The following PPFIBP2 variants were observed in gnomAD, a reference collection of about 807,000 sequenced individuals.
PPFIBP2 encodes the protein PPFIB scaffold protein 2.
PPFIBP2 carries 118 observed loss-of-function variants against 118.3 expected under a neutral mutation model. The ratio of observed to expected loss-of-function variants is 1.00; its 90% CI spans 0.86 to 1.16. PPFIBP2 has a LOEUF of 1.16. PPFIBP2 is among the 50% of genes most tolerant of loss of function. PPFIBP2 has a pLI of 0.00. For synonymous variants in PPFIBP2, 414 were observed against 397.4 expected, an observed-to-expected ratio of 1.04 and a Z score of -0.50; for missense variants, 1,195 against 1,073.1, an observed-to-expected ratio of 1.11 and a Z score of -1.59.
chr11:7,530,620 T>A (rs1850603940), intron 1 of PPFIBP2, among the ~76,000 whole-genome samples: 1 of 152,230 alleles, frequency 6.6e-6, no homozygotes. Context: ...GGTGCCTTGA[T>A]CCTGGGCTTC....
At chr11:7,580,586 G>A (rs896808217) in intron 3 of PPFIBP2, among the ~76,000 whole-genome samples, 1 of 152,168 alleles carries the variant, frequency 6.6e-6, no homozygotes, top group African/African-American at 2.4e-5. Context: ...TCCAGGGCCT[G>A]TGTGGGATGG....
At chr11:7,557,894 C>A (rs938414432) in intron 2 of PPFIBP2, among the ~76,000 whole-genome samples, 2 of 152,072 alleles carry the variant, frequency 1.3e-5, no homozygotes, top group Non-Finnish European at 2.9e-5. Flanking sequence ...AACATGCCAT[C>A]CTTACTTGGA....
At chr11:7,662,664 C>G in the PPFIBP2 span, among the ~76,000 whole-genome samples, 1 of 145,856 alleles carries the variant, frequency 6.9e-6, no homozygotes, top group African/African-American at 2.5e-5. Context: ...TTCTGGCGTT[C>G]TCTGTATTTC....
intron 7 of PPFIBP2, among the ~76,000 whole-genome samples, chr11:7,623,671 A>G (rs1270219982): frequency 6.6e-6 from 1 of 152,210 alleles, no homozygotes; most frequent in Non-Finnish European, 1.5e-5. Context: ...ACATTGCTGA[A>G]TTCCCAACTG....
At chr11:7,557,578 A>G (rs1462191292) in intron 2 of PPFIBP2, among the ~76,000 whole-genome samples, 1 of 146,790 alleles carries the variant, frequency 6.8e-6, no homozygotes, top group African/African-American at 2.5e-5. Context: ...TGAAACCTCC[A>G]TCTCCTGGGT....
intron 3 of PPFIBP2, among the ~76,000 whole-genome samples, chr11:7,569,259 G>T (rs1855381167): frequency 6.6e-6 from 1 of 152,232 alleles, no homozygotes; most frequent in African/African-American, 2.4e-5. Context: ...AGCTGGGCCA[G>T]CACAGTTGGC....
intron 3 of PPFIBP2, among the ~76,000 whole-genome samples, chr11:7,589,358 C>A (rs767845868): frequency 2.0e-5 from 3 of 152,026 alleles, no homozygotes; most frequent in Non-Finnish European, 2.9e-5. Flanking sequence ...CTTTGGGAGG[C>A]CAAGGTGGGC....
intron 1 of PPFIBP2, among the ~76,000 whole-genome samples, chr11:7,522,274 A>G (rs540425924): frequency 1.2e-4 from 18 of 152,296 alleles, no homozygotes; most frequent in South Asian, 8.3e-4. Flanking sequence ...AAAAGCGTCA[A>G]ACTGGATACT....
intron 5 of PPFIBP2, chr11:7,597,964 C>T (rs139820842): frequency 4.5e-5 from 14 of 311,138 alleles, no homozygotes; most frequent in Non-Finnish European, 8.4e-5. Flanking sequence ...AGGGAGCGCT[C>T]GGCTGGGGGC....
In PPFIBP2 at chr11:7,642,299, A is replaced by G. The variant is rs1590765189; in HGVS notation, c.1519A>G (p.Ile507Val). The change falls in exon 17 of 24, where the codon ATC becomes GTC. Residue 507 changes from isoleucine to valine, a missense_variant and splice_region_variant. By Grantham distance (29) the Ile-to-Val change is conservative (BLOSUM62 3). Transcript: ENST00000299492. ...CTCCATGGATTCTTCTCCATGCAGAATCCGAAGAACTCAGTCAGGAAATTT... is the reference window on the plus strand; with the variant it reads ...CTCCATGGATTCTTCTCCATGCAGAGTCCGAAGAACTCAGTCAGGAAATTT... ...PKGIKKFWGK[I>V]RRTQSGNFYT... 6.2e-7 allele frequency: 1 copy of G among 1,613,908 alleles called. No individual in the cohort carries two copies. The highest frequency in any genetic ancestry group is 8.5e-7 in the Non-Finnish European group (1 of 1,179,984).
At chr11:7,515,535 T>C (rs1250774613) in intron 1 of PPFIBP2, among the ~76,000 whole-genome samples, 1 of 152,178 alleles carries the variant, frequency 6.6e-6, no homozygotes, top group African/African-American at 2.4e-5. Flanking sequence ...GTGATGGACC[T>C]CAAAGGATCC....
chr11:7,645,371 T>A (rs897454575), intron 17 of PPFIBP2, among the ~76,000 whole-genome samples: 1 of 152,346 alleles, frequency 6.6e-6, no homozygotes, highest in South Asian at 2.1e-4. Context: ...TACTCACTAA[T>A]GAACTGTAAA....
rs544564034 is a variant in PPFIBP2, at chr11:7,619,418, G to A, written c.619-1517G>A. On this transcript the variant is annotated intron_variant, in intron 6 of 23. Coordinates refer to ENST00000299492, the MANE Select transcript of PPFIBP2 (RefSeq NM_003621.5). ...ATCCATGTGGCTAGAGCATAACTAG[G>A]GAGAAAGAGTGATCCAAGAGGCAGG... Among the ~76,000 whole-genome samples, 5 of 152,306 alleles carry A rather than the reference G, an allele frequency of 3.3e-5. No homozygotes were observed. In the South Asian group the frequency reaches 1.0e-3, roughly 32 times the overall value.
intron 11 of PPFIBP2, 89 bp from the exon 12 acceptor site, chr11:7,632,778 T>G: frequency 9.4e-7 from 1 of 1,059,154 alleles, no homozygotes; most frequent in Non-Finnish European, 1.5e-6. Context: ...AATGTCTCCC[T>G]AAAAGGAATC....
chr11:7,591,784 A>G (rs1467663233), intron 3 of PPFIBP2, among the ~76,000 whole-genome samples: 2 of 152,186 alleles, frequency 1.3e-5, no homozygotes, highest in African/African-American at 4.8e-5. Context: ...CAATCAATGA[A>G]TCTTTCACTA....
intron 17 of PPFIBP2, among the ~76,000 whole-genome samples, chr11:7,643,183 A>G (rs1479945599): frequency 6.6e-6 from 1 of 152,208 alleles, no homozygotes; most frequent in Non-Finnish European, 1.5e-5. Flanking sequence ...ATAATTAGAT[A>G]TTCTAATTTA....
intron 6 of PPFIBP2, among the ~76,000 whole-genome samples, chr11:7,619,753 G>A (rs1363394848): frequency 6.6e-6 from 1 of 152,238 alleles, no homozygotes; most frequent in African/African-American, 2.4e-5. Context: ...GAGATGCAGA[G>A]GATAGATCCT....
downstream of PPFIBP2, among the ~76,000 whole-genome samples, chr11:7,658,210 T>G (rs1303828534): frequency 6.6e-6 from 1 of 151,388 alleles, no homozygotes; most frequent in Non-Finnish European, 1.5e-5. Context: ...GTTAGTTACA[T>G]ATGTATACAT....
chr11:7,634,507 G>T lies in PPFIBP2; in HGVS notation c.1149G>T (p.Lys383Asn), dbSNP rs371544034. The T allele has an allele frequency of 5.0e-6, 8 of 1,612,464 alleles. No homozygotes were observed. Among genetic ancestry groups the T allele is most frequent in the Non-Finnish European group, 5.9e-6 (7 of 1,178,698 alleles). The change falls in exon 13 of 24, where the codon AAG becomes AAT. Residue 383 changes from lysine (K) to asparagine (N), a missense_variant. Lys to Asn is a moderately conservative substitution (Grantham distance 94). Coordinates refer to ENST00000299492, the MANE Select transcript of PPFIBP2 (RefSeq NM_003621.5). ...QKSLETRAQK[K>N]LSCSLEDLRS... ...GTGTTTTTTTCAGGGCTCAGAAAAAGCTCTCTTGTAGTCTAGAAGACTTGA... is the reference window on the plus strand; with the variant it reads ...GTGTTTTTTTCAGGGCTCAGAAAAATCTCTCTTGTAGTCTAGAAGACTTGA...
Sources: gnomAD v4.1 joint callset for allele counts (sites outside exome capture counted in the v4.1 genomes callset) on GRCh38, gnomAD v4.1.1 for gene constraint, MANE v1.5 for transcripts, NCBI Gene and HGNC (gene_info 2026-07-23, HGNC 2026-07-21) for gene names.